The following DCC variants were observed in gnomAD, a reference collection of about 807,000 sequenced individuals.
DCC encodes the protein DCC netrin 1 receptor.
In DCC, 58 loss-of-function variants were observed where a neutral mutation model predicts 172.5. The observed-to-expected ratio is 0.34, with a 90% CI of 0.27 to 0.42. The LOEUF is 0.42. DCC is among the 10% of genes least tolerant of loss of function. The pLI is 1.00. For synonymous variants in DCC, 709 were observed against 644.5 expected (o/e 1.10, Z -1.52); for missense variants, 1,740 against 1,791.0 (o/e 0.97, Z 0.51).
intron 1 of DCC, among the ~76,000 whole-genome samples, chr18:52,730,230 C>T (rs1286729561): frequency 6.6e-6 from 1 of 152,052 alleles, no homozygotes; most frequent in African/African-American, 2.4e-5. Context: ...GTTGTCACAA[C>T]TGGAGAGGGA....
intron 5 of DCC, among the ~76,000 whole-genome samples, chr18:53,015,933 A>C (rs1477976156): frequency 1.3e-5 from 2 of 152,138 alleles, no homozygotes; most frequent in Non-Finnish European, 2.9e-5. Context: ...ACATATAAAA[A>C]TATATGGTGA....
intron 5 of DCC, among the ~76,000 whole-genome samples, chr18:52,946,346 T>G (rs745484639): frequency 1.3e-5 from 2 of 152,220 alleles, no homozygotes; most frequent in Admixed American, 6.5e-5. Context: ...ATGAACTGTT[T>G]TTTAGAAAAA....
chr18:53,210,936 T>C (rs926926370), intron 11 of DCC, among the ~76,000 whole-genome samples: 2 of 151,972 alleles, frequency 1.3e-5, no homozygotes, highest in Non-Finnish European at 2.9e-5. Flanking sequence ...AGAAAACCAC[T>C]GGTTTACAAT....
chr18:52,838,295 C>T (rs1421508511), intron 2 of DCC, among the ~76,000 whole-genome samples: 1 of 152,110 alleles, frequency 6.6e-6, no homozygotes, highest in African/African-American at 2.4e-5. Context: ...TTTATGTTGA[C>T]ATTTTTAATT....
intron 14 of DCC, among the ~76,000 whole-genome samples, chr18:53,330,060 G>C (rs962506714): frequency 6.6e-6 from 1 of 152,154 alleles, no homozygotes; most frequent in Non-Finnish European, 1.5e-5. Context: ...TGATTCTGGT[G>C]ATGGAACTGA....
At chr18:53,517,199 C>A in intron 27 of DCC, among the ~76,000 whole-genome samples, 1 of 142,128 alleles carries the variant, frequency 7.0e-6, no homozygotes, top group Non-Finnish European at 1.5e-5. Context: ...ATCGCAAGAA[C>A]AAAAAACCAA....
intron 5 of DCC, among the ~76,000 whole-genome samples, chr18:52,959,920 T>C (rs763904108): frequency 1.3e-5 from 2 of 152,134 alleles, no homozygotes; most frequent in Admixed American, 6.5e-5. Flanking sequence ...TGTATCATAA[T>C]TGTAGCTCTG....
intron 14 of DCC, among the ~76,000 whole-genome samples, chr18:53,322,364 A>G (rs2144827620): frequency 6.6e-6 from 1 of 152,324 alleles, no homozygotes; most frequent in Admixed American, 6.5e-5. Flanking sequence ...ATGACATAGC[A>G]TTGATTATGC....
chr18:53,323,465 A>G (rs2057433661), intron 14 of DCC, among the ~76,000 whole-genome samples: 1 of 152,242 alleles, frequency 6.6e-6, no homozygotes, highest in African/African-American at 2.4e-5. Flanking sequence ...ATCAGGCACC[A>G]TGCTGAGCTT....
chr18:53,170,275 T>C (rs2054991952), intron 8 of DCC, among the ~76,000 whole-genome samples: 1 of 152,198 alleles, frequency 6.6e-6, no homozygotes, highest in Admixed American at 6.5e-5. Flanking sequence ...AACTCCTATT[T>C]CTTCTCAGTG....
intron 1 of DCC, among the ~76,000 whole-genome samples, chr18:52,550,742 C>T (rs2032747270): frequency 6.6e-6 from 1 of 152,068 alleles, no homozygotes; most frequent in Non-Finnish European, 1.5e-5. Flanking sequence ...TACCTCTTTC[C>T]ATCTCTCCTC....
chr18:52,380,318 A>C (rs569623708), intron 1 of DCC, among the ~76,000 whole-genome samples: 1 of 152,218 alleles, frequency 6.6e-6, no homozygotes, highest in African/African-American at 2.4e-5. Context: ...ATTGTCCAAA[A>C]CCATCTTGCA....
chr18:53,489,089 G>T (rs1333079862), intron 26 of DCC, among the ~76,000 whole-genome samples: 3 of 151,706 alleles, frequency 2.0e-5, no homozygotes, highest in African/African-American at 7.3e-5. Flanking sequence ...GAAATTAATT[G>T]ATTAAAATAT....
At chr18:52,536,859 A>G (rs2032304473) in intron 1 of DCC, among the ~76,000 whole-genome samples, 1 of 152,178 alleles carries the variant, frequency 6.6e-6, no homozygotes, top group Admixed American at 6.6e-5. Flanking sequence ...AGAAGTTTGG[A>G]TCTTTTAAAA....
At chr18:53,093,419 AACAT>A (rs2043041720) in intron 7 of DCC, among the ~76,000 whole-genome samples, 1 of 152,242 alleles carries the variant, frequency 6.6e-6, no homozygotes, top group South Asian at 2.1e-4. Context: ...GACATTTGTC[AACAT>A]ACATCAAAAG....
At chr18:53,232,695 G>T (rs977953108) in intron 12 of DCC, among the ~76,000 whole-genome samples, 8 of 152,208 alleles carry the variant, frequency 5.3e-5, no homozygotes, top group African/African-American at 1.9e-4. Context: ...TGCTAATTCT[G>T]TGGCTCAATT....
At chr18:52,903,060 G>T (rs1250786630) in intron 2 of DCC, among the ~76,000 whole-genome samples, 1 of 152,116 alleles carries the variant, frequency 6.6e-6, no homozygotes, top group Non-Finnish European at 1.5e-5. Flanking sequence ...CTTCCAAGTA[G>T]ATGAAGTTTA....
At chr18:53,112,121 C>T (rs185462308) in intron 7 of DCC, among the ~76,000 whole-genome samples, 1 of 151,396 alleles carries the variant, frequency 6.6e-6, no homozygotes, top group Non-Finnish European at 1.5e-5. Context: ...AAAAAGCCTT[C>T]TAAATAAGTA....
intron 7 of DCC, among the ~76,000 whole-genome samples, chr18:53,143,674 T>C (rs1288917318): frequency 6.6e-6 from 1 of 152,280 alleles, no homozygotes; most frequent in Non-Finnish European, 1.5e-5. Context: ...TCTATCTTCA[T>C]GCTTATTGCA....
Sources: allele counts gnomAD v4.1 joint callset (sites outside exome capture counted in the v4.1 genomes callset), GRCh38; gene constraint gnomAD v4.1.1; transcripts MANE v1.5; gene names NCBI Gene and HGNC (gene_info 2026-07-23, HGNC 2026-07-21).